Variants in FSTL5 observed in about 807,000 individuals in gnomAD.
FSTL5 encodes the protein follistatin like 5, also known as follistatin-related protein 5.
Under a neutral mutation model 89.1 loss-of-function variants are expected in FSTL5, and 62 were observed. That is an observed-to-expected ratio of 0.70 (90% confidence interval 0.57 to 0.86). FSTL5 has a LOEUF of 0.86. FSTL5 is among the 40% of genes least tolerant of loss of function. The pLI, the probability that FSTL5 is intolerant of heterozygous loss-of-function variation, is 0.00. For missense variants in FSTL5, 1,057 were observed against 1,001.6 expected (o/e 1.06, Z -0.75); for synonymous variants, 383 against 346.2 (o/e 1.11, Z -1.18).
At chr4:161,741,629 A>G (rs1740029706) in intron 6 of FSTL5, among the ~76,000 whole-genome samples, 1 of 152,080 alleles carries the variant, frequency 6.6e-6, no homozygotes, top group African/African-American at 2.4e-5. Context: ...ATGAAGCAAA[A>G]TACACAGGAA....
chr4:161,838,559 C>T (rs1731119552), intron 4 of FSTL5, among the ~76,000 whole-genome samples: 1 of 152,172 alleles, frequency 6.6e-6, no homozygotes, highest in African/African-American at 2.4e-5. Flanking sequence ...GCTGGGATTA[C>T]AGACGTGAGC....
intron 4 of FSTL5, among the ~76,000 whole-genome samples, chr4:161,884,283 G>A (rs1187866366): frequency 6.6e-6 from 1 of 152,058 alleles, no homozygotes. Context: ...TGATCTGCCT[G>A]CCTCAGCATT....
intron 2 of FSTL5, among the ~76,000 whole-genome samples, chr4:162,071,762 G>A (rs1354087948): frequency 6.6e-6 from 1 of 151,688 alleles, no homozygotes; most frequent in East Asian, 2.0e-4. Flanking sequence ...AAGTTTCAAC[G>A]CATTTTAAAA....
intron 4 of FSTL5, among the ~76,000 whole-genome samples, chr4:161,832,489 G>A (rs1417157520): frequency 1.3e-5 from 2 of 152,102 alleles, no homozygotes; most frequent in African/African-American, 2.4e-5. Context: ...GGTAGAATTC[G>A]GCTGTGAATC....
At chr4:161,796,172 T>C (rs751342454) in intron 4 of FSTL5, among the ~76,000 whole-genome samples, 1 of 152,000 alleles carries the variant, frequency 6.6e-6, no homozygotes, top group Non-Finnish European at 1.5e-5. Flanking sequence ...AAGTAGAATA[T>C]GCTATAGAAC....
At chr4:161,784,402 T>G (rs1741806660) in intron 4 of FSTL5, among the ~76,000 whole-genome samples, 1 of 152,084 alleles carries the variant, frequency 6.6e-6, no homozygotes, top group Non-Finnish European at 1.5e-5. Context: ...ATTTGACCTT[T>G]TTTTAAAAAA....
chr4:161,557,894 T>A (rs1259203284), intron 8 of FSTL5, among the ~76,000 whole-genome samples: 2 of 151,820 alleles, frequency 1.3e-5, no homozygotes, highest in East Asian at 1.9e-4. Flanking sequence ...TGTGCTCATA[T>A]AAGTTATATA....
intron 11 of FSTL5, among the ~76,000 whole-genome samples, chr4:161,508,554 T>G (rs2126496884): frequency 6.6e-6 from 1 of 152,280 alleles, no homozygotes; most frequent in African/African-American, 2.4e-5. Flanking sequence ...TTCCAAAAAC[T>G]AACAGAATAC....
At chr4:161,575,358 A>C (rs546872630) in intron 8 of FSTL5, among the ~76,000 whole-genome samples, 3 of 152,098 alleles carry the variant, frequency 2.0e-5, no homozygotes, top group Admixed American at 1.3e-4. Flanking sequence ...TTAGATCTCT[A>C]TGTCAATTTT....
chr4:161,518,431 T>C (rs916202546), intron 10 of FSTL5, among the ~76,000 whole-genome samples: 3 of 152,026 alleles, frequency 2.0e-5, no homozygotes, highest in African/African-American at 7.3e-5. Context: ...TAAGAAGGTA[T>C]GACATGGAAG....
chr4:162,068,137 T>C (rs1368908460), intron 2 of FSTL5, among the ~76,000 whole-genome samples: 3 of 152,150 alleles, frequency 2.0e-5, no homozygotes, highest in Non-Finnish European at 2.9e-5. Flanking sequence ...CAAAGTAGTT[T>C]ATAGATTCAA....
intron 3 of FSTL5, among the ~76,000 whole-genome samples, chr4:162,019,629 C>G (rs148799780): frequency 2.6e-4 from 40 of 151,906 alleles, no homozygotes; most frequent in African/African-American, 8.0e-4. Context: ...TCACTCAGCA[C>G]CTACTCACAA....
intron 6 of FSTL5, among the ~76,000 whole-genome samples, chr4:161,709,808 T>TA (rs1056826736): frequency 2.6e-5 from 4 of 151,308 alleles, no homozygotes; most frequent in Non-Finnish European, 5.9e-5. Context: ...ATAAATTAAA[T>TA]AAAAAAAAGG....
chr4:162,043,608 GATTA>G (rs1444381029), intron 2 of FSTL5, among the ~76,000 whole-genome samples: 2 of 152,052 alleles, frequency 1.3e-5, no homozygotes, highest in African/African-American at 2.4e-5. Flanking sequence ...TTGCTGCATT[GATTA>G]ATTCTTTCTT....
At chr4:161,968,489 T>C (rs888745903) in intron 3 of FSTL5, among the ~76,000 whole-genome samples, 16 of 152,238 alleles carry the variant, frequency 1.1e-4, no homozygotes, top group African/African-American at 3.1e-4. Context: ...CATTCTTATA[T>C]GGAGAAATAT....
intron 15 of FSTL5, among the ~76,000 whole-genome samples, chr4:161,447,669 C>T (rs2126382996): frequency 6.6e-6 from 1 of 152,010 alleles, no homozygotes; most frequent in African/African-American, 2.4e-5. Flanking sequence ...AAATAAAAGC[C>T]AATCAGGTAA....
At chr4:161,862,874 T>C (rs17458364) in intron 4 of FSTL5, among the ~76,000 whole-genome samples, 7,085 of 152,282 alleles carry the variant, frequency 0.047, 208 homozygotes, top group Non-Finnish European at 0.07. Flanking sequence ...AAATAAAAGC[T>C]GTAAATGTAT....
intron 3 of FSTL5, among the ~76,000 whole-genome samples, chr4:161,974,200 T>G (rs1228316599): frequency 6.6e-6 from 1 of 152,108 alleles, no homozygotes; most frequent in African/African-American, 2.4e-5. Context: ...AATTTATAGA[T>G]TCAATGCCAT....
chr4:161,970,800 T>C (rs1005678754), intron 3 of FSTL5, among the ~76,000 whole-genome samples: 1 of 152,056 alleles, frequency 6.6e-6, no homozygotes, highest in Admixed American at 6.6e-5. Context: ...ATATAGTCTC[T>C]GAATTGCAAA....
Sources: allele counts gnomAD v4.1 joint callset (sites outside exome capture counted in the v4.1 genomes callset), GRCh38; gene constraint gnomAD v4.1.1; transcripts MANE v1.5; gene names NCBI Gene and HGNC (gene_info 2026-07-23, HGNC 2026-07-21).